Variants in ST7 observed in about 807,000 individuals in gnomAD.
ST7 encodes suppressor of tumorigenicity 7 protein.
Under a neutral mutation model 78.7 loss-of-function variants are expected in ST7, and 28 were observed. That is an observed-to-expected ratio of 0.36 (90% confidence interval 0.26 to 0.49). ST7 has a LOEUF of 0.49. Ranked by LOEUF, ST7 falls within the 20% of genes least tolerant of loss-of-function variation. The probability of loss-of-function intolerance (pLI) is 0.99; values close to 1 mark genes in which losing one functional copy is unlikely to be tolerated. For synonymous variants in ST7, 247 were observed against 249.6 expected (o/e 0.99, Z 0.10); for missense variants, 418 against 696.0 (o/e 0.60, Z 4.49).
intron 1 of ST7, among the ~76,000 whole-genome samples, chr7:117,095,842 C>T (rs1257761108): frequency 6.6e-6 from 1 of 151,580 alleles, no homozygotes; most frequent in Non-Finnish European, 1.5e-5. Flanking sequence ...CCGAGGTGGG[C>T]GGATCACCTG....
intron 1 of ST7, among the ~76,000 whole-genome samples, chr7:117,042,425 T>G (rs946879178): frequency 6.6e-6 from 1 of 152,214 alleles, no homozygotes; most frequent in African/African-American, 2.4e-5. Context: ...ACTAAATTAC[T>G]CTCCAAAAGA....
chr7:116,957,440 C>G (rs1447839385), intron 1 of ST7, among the ~76,000 whole-genome samples: 1 of 152,042 alleles, frequency 6.6e-6, no homozygotes, highest in Non-Finnish European at 1.5e-5. Context: ...TTAAGGGATC[C>G]TCCCACCTCA....
intron 2 of ST7, among the ~76,000 whole-genome samples, chr7:117,101,145 G>A (rs994148840): frequency 3.9e-5 from 6 of 152,138 alleles, no homozygotes; most frequent in East Asian, 1.9e-4. Flanking sequence ...CTTTTTGTGT[G>A]CAGAGAACAT....
intron 9 of ST7, among the ~76,000 whole-genome samples, chr7:117,157,675 G>C (rs565145029): frequency 1.3e-5 from 2 of 152,290 alleles, no homozygotes; most frequent in South Asian, 4.1e-4. Context: ...CAATGATAGT[G>C]GTTTTGGCAT....
chr7:116,956,937 T>C (rs1792534671), intron 1 of ST7: 1 of 276,024 alleles, frequency 3.6e-6, no homozygotes, highest in Non-Finnish European at 7.1e-6. Context: ...AATTCCATGA[T>C]TGAGGACTCA....
chr7:117,075,354 T>C (rs1034181449), intron 1 of ST7, among the ~76,000 whole-genome samples: 3 of 152,242 alleles, frequency 2.0e-5, no homozygotes, highest in African/African-American at 4.8e-5. Flanking sequence ...GTAGAAGTTG[T>C]ACCTACAGAA....
At chr7:117,066,645 C>G (rs547103399) in intron 1 of ST7, among the ~76,000 whole-genome samples, 2 of 151,696 alleles carry the variant, frequency 1.3e-5, no homozygotes, top group East Asian at 3.9e-4. Flanking sequence ...CCTGTAGCCC[C>G]AGCTACTCGG....
intron 1 of ST7, among the ~76,000 whole-genome samples, chr7:116,978,385 A>G (rs1472949748): frequency 1.3e-5 from 2 of 152,218 alleles, no homozygotes; most frequent in Non-Finnish European, 2.9e-5. Flanking sequence ...ATCTTGAAAG[A>G]CAACAGAGGA....
At chr7:116,956,208 A>T (rs1792469560) in intron 1 of ST7, among the ~76,000 whole-genome samples, 1 of 152,212 alleles carries the variant, frequency 6.6e-6, no homozygotes, top group Admixed American at 6.5e-5. Flanking sequence ...AACTGCCAAA[A>T]GGTTGTTGTC....
At chr7:117,098,450 C>T (rs1405769455) in intron 1 of ST7, among the ~76,000 whole-genome samples, 1 of 152,084 alleles carries the variant, frequency 6.6e-6, no homozygotes, top group African/African-American at 2.4e-5. Context: ...ATGCATCCCT[C>T]TTAACATGTT....
chr7:117,146,962 A>G (rs1438937923), intron 9 of ST7, among the ~76,000 whole-genome samples: 1 of 152,188 alleles, frequency 6.6e-6, no homozygotes. Context: ...CTCTTAAAAT[A>G]TAGTTGGTGA....
intron 1 of ST7, among the ~76,000 whole-genome samples, chr7:116,979,239 A>G (rs1235420736): frequency 1.3e-5 from 2 of 152,196 alleles, no homozygotes; most frequent in African/African-American, 4.8e-5. Context: ...GGAAAGTGGA[A>G]GGGGAGGGAC....
chr7:117,010,630 C>T (rs993561897), intron 1 of ST7, among the ~76,000 whole-genome samples: 1 of 152,158 alleles, frequency 6.6e-6, no homozygotes, highest in African/African-American at 2.4e-5. Context: ...TTAGCTCTCA[C>T]ATGTTGGTGA....
chr7:117,099,737 C>T (rs1308742327), intron 1 of ST7, 25 bp from the exon 2 acceptor site: 5 of 1,583,674 alleles, frequency 3.2e-6, no homozygotes, highest in Admixed American at 1.7e-5. Context: ...TGTTCTTCTC[C>T]CTTTCTCTCT....
chr7:116,996,707 CATG>C (rs1269192702), intron 1 of ST7, among the ~76,000 whole-genome samples: 7 of 152,176 alleles, frequency 4.6e-5, no homozygotes, highest in African/African-American at 1.7e-4. Flanking sequence ...AGTGTTTCCT[CATG>C]GTGCAAATGA....
At chr7:117,085,130 C>T (rs1423217234) in intron 1 of ST7, among the ~76,000 whole-genome samples, 4 of 152,168 alleles carry the variant, frequency 2.6e-5, no homozygotes, top group African/African-American at 7.2e-5. Context: ...GTCACTAGTG[C>T]TCTGTGACAG....
At chr7:116,955,194 C>T (rs919520258) in intron 1 of ST7, 1 of 443,568 alleles carries the variant, frequency 2.3e-6, no homozygotes, top group African/African-American at 2.1e-5. Context: ...AGTTCTATAC[C>T]TTTAAGAAGT....
intron 1 of ST7, among the ~76,000 whole-genome samples, chr7:116,980,193 A>C (rs1013123248): frequency 6.6e-6 from 1 of 151,930 alleles, no homozygotes; most frequent in African/African-American, 2.4e-5. Flanking sequence ...TCCTGGCCTC[A>C]AATGATATGC....
At chr7:116,997,215 C>T (rs1440236415) in intron 1 of ST7, among the ~76,000 whole-genome samples, 1 of 152,122 alleles carries the variant, frequency 6.6e-6, no homozygotes, top group African/African-American at 2.4e-5. Flanking sequence ...TGAGCAGCAG[C>T]AAGATTTATT....
Sources: gnomAD v4.1 joint callset for allele counts (sites outside exome capture counted in the v4.1 genomes callset) on GRCh38, gnomAD v4.1.1 for gene constraint, MANE v1.5 for transcripts, NCBI Gene and HGNC (gene_info 2026-07-23, HGNC 2026-07-21) for gene names.